Variants in C1GALT1 observed in about 807,000 individuals in gnomAD.
C1GALT1 encodes glycoprotein-N-acetylgalactosamine 3-beta-galactosyltransferase 1.
In C1GALT1, 11 loss-of-function variants were observed where a neutral mutation model predicts 31.0. The observed-to-expected ratio is 0.36, with a 90% CI of 0.22 to 0.59. The LOEUF is 0.59. Among genes scored for constraint, C1GALT1 ranks in the 20% least tolerant of loss-of-function variants. C1GALT1 has a pLI of 0.79. For missense variants in C1GALT1, 424 were observed against 425.2 expected, an observed-to-expected ratio of 1.00 and a Z score of 0.03; for synonymous variants, 175 against 143.6, an observed-to-expected ratio of 1.22 and a Z score of -1.56.
chr7:7,165,431 A>T (rs1047307080), intron 2 of C1GALT1, among the ~76,000 whole-genome samples: 10 of 152,152 alleles, frequency 6.6e-5, no homozygotes, highest in Admixed American at 5.9e-4. Context: ...ACGCTAAGGG[A>T]ATAAGAAAAA....
chr7:7,161,787 A>C (rs1442409837), intron 2 of C1GALT1, among the ~76,000 whole-genome samples: 1 of 152,186 alleles, frequency 6.6e-6, no homozygotes, highest in Non-Finnish European at 1.5e-5. Context: ...GAAAACATGA[A>C]TACTTTCCAT....
Position 7,238,399 on chromosome 7 carries a change from G to A in C1GALT1, c.365G>A (p.Ser122Asn). The A allele has an allele frequency of 2.5e-6, 4 of 1,614,038 alleles. No homozygotes were observed. The highest frequency in any genetic ancestry group is 3.4e-6 in the Non-Finnish European group (4 of 1,179,970). The change falls in exon 3 of 4, where the codon AGT becomes AAT. Residue 122 changes from serine to asparagine, a missense_variant. By Grantham distance (46) the Ser-to-Asn change is conservative. This residue lies in a region of C1GALT1 where 189 missense variants were observed against 158.2 expected (regional missense o/e 1.19). Coordinates refer to ENST00000436587, the MANE Select transcript of C1GALT1 (RefSeq NM_020156.5). This position sits in a 1 kb window ranked among gnomAD's most constrained non-coding sequence, Gnocchi z 5.2. ...CGTTGTAACAAAGTGTTGTTTATGA[G>A]TTCAGAAGAAAATAAAGACTTCCCT... ...AQRCNKVLFM[S>N]SEENKDFPAV...
chr7:7,198,410 T>C (rs551519193), intron 1 of C1GALT1, among the ~76,000 whole-genome samples: 9 of 152,352 alleles, frequency 5.9e-5, no homozygotes, highest in African/African-American at 2.2e-4. Flanking sequence ...ATAAGCTTTT[T>C]GATGTGCTGC....
At chr7:7,234,653 T>G (rs950949167) in intron 2 of C1GALT1, 114 bp downstream of exon 2, 1 of 741,142 alleles carries the variant, frequency 1.3e-6, no homozygotes, top group Admixed American at 3.2e-5. Flanking sequence ...ATATTAAAAA[T>G]AATTCTTGGT....
chr7:7,203,158 A>T (rs1297025603), intron 1 of C1GALT1, among the ~76,000 whole-genome samples: 1 of 148,828 alleles, frequency 6.7e-6, no homozygotes, highest in Non-Finnish European at 1.5e-5. Flanking sequence ...GTAAGAAGAT[A>T]ATTTTACTTT....
chr7:7,166,132 A>G (rs575406228), intron 2 of C1GALT1, among the ~76,000 whole-genome samples: 29 of 152,280 alleles, frequency 1.9e-4, no homozygotes, highest in Admixed American at 3.9e-4. Context: ...TATTACTGCC[A>G]TTTTATCATG....
upstream of C1GALT1, among the ~76,000 whole-genome samples, chr7:7,179,130 T>C (rs1780540345): frequency 6.6e-6 from 1 of 152,204 alleles, no homozygotes; most frequent in Admixed American, 6.5e-5. Context: ...CCTTATAAGT[T>C]GCCTGAGTGA....
intron 1 of C1GALT1, among the ~76,000 whole-genome samples, chr7:7,217,168 A>C (rs564720114): frequency 6.6e-6 from 1 of 152,344 alleles, no homozygotes; most frequent in East Asian, 1.9e-4. Flanking sequence ...TGAGTGAAGG[A>C]ACACCAGGGT....
At chr7:7,208,228 A>G (rs1192691608) in intron 1 of C1GALT1, among the ~76,000 whole-genome samples, 4 of 152,094 alleles carry the variant, frequency 2.6e-5, no homozygotes, top group African/African-American at 7.3e-5. Context: ...TAAAGGTTCA[A>G]TAAAGTTAAC....
intron 2 of C1GALT1, among the ~76,000 whole-genome samples, chr7:7,168,490 C>T (rs1044000070): frequency 7.9e-5 from 12 of 152,162 alleles, no homozygotes; most frequent in African/African-American, 2.9e-4. Flanking sequence ...AAAGGAAAGC[C>T]GTCAGGCCCC....
intron 2 of C1GALT1, chr7:7,234,911 GTGTA>G (rs1226243967): frequency 6.4e-6 from 1 of 156,688 alleles, no homozygotes; most frequent in Non-Finnish European, 1.4e-5. Flanking sequence ...GAAACTTGAG[GTGTA>G]TGTAAGTTTC....
At chr7:7,240,096 G>T (rs1315815626) in intron 3 of C1GALT1, among the ~76,000 whole-genome samples, 1 of 152,196 alleles carries the variant, frequency 6.6e-6, no homozygotes, top group Non-Finnish European at 1.5e-5. Context: ...ATAAGGCAAT[G>T]CTTTCAAATC....
In C1GALT1 at chr7:7,169,285, T is replaced by G. The variant is rs1248242739; in HGVS notation, c.-18+11859T>G. ...GATGAACACTTGGGTTGTTTCCACC[T>G]TTTGGCTATTATGAAGAAGGTCACA... On this transcript the variant is annotated intron_variant, in intron 2 of 3. Coordinates refer to the C1GALT1 transcript ENST00000429911. Among the ~76,000 whole-genome samples the G allele has an allele frequency of 3.9e-5, 6 of 152,232 alleles. No individual in the cohort carries two copies. The East Asian group carries it at 1.2e-3, about 29-fold the overall frequency.
At chr7:7,199,868 CT>C (rs925092821) in intron 1 of C1GALT1, among the ~76,000 whole-genome samples, 1 of 151,930 alleles carries the variant, frequency 6.6e-6, no homozygotes, top group Non-Finnish European at 1.5e-5. Flanking sequence ...GCAGCCCTTG[CT>C]TTTTTTTGTT....
chr7:7,173,871 C>T (rs1780478809), intron 2 of C1GALT1, among the ~76,000 whole-genome samples: 1 of 152,196 alleles, frequency 6.6e-6, no homozygotes, highest in African/African-American at 2.4e-5. Flanking sequence ...CATGCCACTG[C>T]ACTCCAACCT....
intron 1 of C1GALT1, among the ~76,000 whole-genome samples, chr7:7,229,300 G>A (rs1246048097): frequency 6.6e-6 from 1 of 152,174 alleles, no homozygotes; most frequent in African/African-American, 2.4e-5. Context: ...TCAGTGTGCT[G>A]TAAGGCAAAG....
At chr7:7,183,602 G>A (rs139060203) in intron 1 of C1GALT1, 1 of 984,108 alleles carries the variant, frequency 1.0e-6, no homozygotes, top group Non-Finnish European at 1.2e-6. Context: ...TGGGTAAGTC[G>A]TACACTCTTA....
intron 1 of C1GALT1, chr7:7,183,535 C>T (rs1780684042): frequency 5.1e-6 from 5 of 983,676 alleles, no homozygotes; most frequent in Non-Finnish European, 6.0e-6. Flanking sequence ...CCATTTTTCC[C>T]CAACAAATTG....
intron 2 of C1GALT1, among the ~76,000 whole-genome samples, chr7:7,163,605 A>G (rs1055875167): frequency 6.6e-6 from 1 of 152,104 alleles, no homozygotes; most frequent in Admixed American, 6.6e-5. Flanking sequence ...GCTGATAAGC[A>G]ACTTCAGCAA....
Sources: gnomAD v4.1 joint callset for allele counts (sites outside exome capture counted in the v4.1 genomes callset) on GRCh38, gnomAD v4.1.1 for gene constraint, gnomAD v4.1.1 regional missense constraint, Gnocchi (gnomAD v3.1) non-coding constraint, MANE v1.5 for transcripts, NCBI Gene and HGNC (gene_info 2026-07-23, HGNC 2026-07-21) for gene names.